Variants in DNAH9 observed in about 807,000 individuals in gnomAD.
DNAH9 encodes dynein axonemal heavy chain 9, also known as DNAH9 variant protein.
Under a neutral mutation model 471.6 loss-of-function variants are expected in DNAH9, and 345 were observed. The ratio of observed to expected loss-of-function variants is 0.73; its 90% CI spans 0.67 to 0.80. The LOEUF (loss-of-function observed/expected upper bound fraction) is 0.80, where lower values mean the gene tolerates loss of function less well. Among genes scored for constraint, DNAH9 ranks in the 30% least tolerant of loss-of-function variants. The pLI is 0.00. For synonymous variants in DNAH9, 2,093 were observed against 2,123.6 expected, an observed-to-expected ratio of 0.99 and a Z score of 0.40; for missense variants, 5,407 against 5,609.2, an observed-to-expected ratio of 0.96 and a Z score of 1.15.
In DNAH9 at chr17:11,892,710, C is replaced by T. The variant is rs977556941; in HGVS notation, c.11283+763C>T. On this transcript the variant is annotated intron_variant, in intron 58 of 68. Coordinates refer to ENST00000262442, the MANE Select transcript of DNAH9 (RefSeq NM_001372.4). This position sits in a 1 kb window ranked among gnomAD's most constrained non-coding sequence, Gnocchi z 4.3. ...GGATTACAGGTGTGCGCCACCAGGC[C>T]CAGCGAATTTTTTTTGTATTTTAAG... is the stretch of plus-strand genomic sequence containing the variant. Among the ~76,000 whole-genome samples, 1 of 151,954 alleles carries T rather than the reference C, an allele frequency of 6.6e-6. No homozygotes were observed. Among genetic ancestry groups the T allele is most frequent in the African/African-American group, 2.4e-5 (1 of 41,374 alleles).
chr17:11,932,040 G>A lies in DNAH9; in HGVS notation c.12132G>A (p.Glu4044=). The change falls in exon 64 of 69, where the codon GAG becomes GAA. Residue 4044 remains glutamate, a synonymous_variant. Transcript: ENST00000262442. This position sits in a 1 kb window ranked among gnomAD's most constrained non-coding sequence, Gnocchi z 4.3. ...ACACTCTGGAGATGTGTTCTCGGGA[G>A]ACGGAGTTTAAGAGCATCCTCTTTG... ...TQDTLEMCSR[E]TEFKSILFAL... is the part of the protein sequence containing the mutation. 6.2e-7 allele frequency: 1 copy of A among 1,614,190 alleles called. No individual in the cohort carries two copies. The highest frequency in any genetic ancestry group is 8.5e-7 in the Non-Finnish European group (1 of 1,180,034).
chr17:11,694,527 A>G, intron 22 of DNAH9, 80 bp downstream of exon 22: 1 of 1,501,934 alleles, frequency 6.7e-7, no homozygotes, highest in East Asian at 2.3e-5. Flanking sequence ...GCTCCCCATC[A>G]TGCCTCTTCT....
rs1251367755 is a variant in DNAH9 at position 11,895,806 on chromosome 17, G to A, written c.11406+1310G>A. Among the ~76,000 whole-genome samples, 7 of 152,262 alleles carry A rather than the reference G, an allele frequency of 4.6e-5. 1 individual carries two copies. In the South Asian group the frequency reaches 1.5e-3, roughly 32 times the overall value. ...ATACAGTATATAACCATGTGGGATT[G>A]GTGTGCTCATTTAGCATGATTCCCT... On this transcript the variant is annotated intron_variant, in intron 59 of 68. Coordinates refer to ENST00000262442, the MANE Select transcript of DNAH9 (RefSeq NM_001372.4).
At chr17:11,716,301 G>A (rs1232124625) in intron 26 of DNAH9, among the ~76,000 whole-genome samples, 3 of 151,846 alleles carry the variant, frequency 2.0e-5, no homozygotes, top group South Asian at 2.1e-4. Context: ...GGCTGGTCTC[G>A]AACTCCTGAC....
At chr17:11,622,896 C>T (rs1332023379) in intron 6 of DNAH9, among the ~76,000 whole-genome samples, 3 of 151,920 alleles carry the variant, frequency 2.0e-5, no homozygotes, top group South Asian at 2.1e-4. Flanking sequence ...TCTTACGTGT[C>T]GTTCTGTCCT....
chr17:11,763,608 A>G lies in DNAH9; in HGVS notation c.7164A>G (p.Gln2388=), dbSNP rs539397342. Residue 2388 remains glutamine, a synonymous_variant, in exon 36 of 69, where the codon CAA becomes CAG. Transcript: ENST00000262442. ...AIWAFGGAMV[Q]DQLVDYRAEF... ...GGGCTTTCGGCGGAGCAATGGTCCA[A>G]GATCAGGTAAGGAGATATGTTGAGC... 1 of 1,614,028 alleles carries G rather than the reference A, an allele frequency of 6.2e-7. No individual in the cohort carries two copies. Among genetic ancestry groups the G allele is most frequent in the Non-Finnish European group, 8.5e-7 (1 of 1,179,938 alleles).
intron 60 of DNAH9, 147 bp downstream of exon 60, chr17:11,903,059 G>A: frequency 3.4e-6 from 3 of 878,274 alleles, no homozygotes; most frequent in South Asian, 4.1e-5. Flanking sequence ...TAACTAAACA[G>A]GCCAGGCGCG....
intron 43 of DNAH9, among the ~76,000 whole-genome samples, chr17:11,799,013 G>C (rs754378481): frequency 6.6e-6 from 1 of 152,058 alleles, no homozygotes; most frequent in Middle Eastern, 3.4e-3. Flanking sequence ...CCCATCATCC[G>C]CTAATGGCCT....
chr17:11,879,963 G>A, intron 53 of DNAH9, 115 bp from the exon 54 acceptor site: 5 of 1,255,790 alleles, frequency 4.0e-6, no homozygotes, highest in Non-Finnish European at 5.5e-6. Flanking sequence ...ATTCCAAATA[G>A]CTGTGCCTCC....
At position 11,880,078 on chromosome 17, in the gene DNAH9, C is replaced by T. The variant is rs200908759; in HGVS notation, c.10479C>T (p.Gly3493=). ...CCCGGACTCATACTTGTTTCCCTAG[C>T]TACCTTCAAATCATAGAGCAGGCCC... ...DLRVTQIGQK[G]YLQIIEQALE... is the part of the protein sequence containing the mutation. Residue 3493 remains glycine (G), a splice_region_variant and synonymous_variant, in exon 54 of 69, where the codon GGC becomes GGT. Coordinates refer to ENST00000262442, the MANE Select transcript of DNAH9 (RefSeq NM_001372.4). The T allele has an allele frequency of 1.5e-4, 235 of 1,613,640 alleles. No homozygotes were observed. Among genetic ancestry groups the T allele is most frequent in the Non-Finnish European group, 1.9e-4 (226 of 1,179,804 alleles).
At chr17:11,746,860 G>A (rs375527823) in intron 31 of DNAH9, among the ~76,000 whole-genome samples, 1 of 152,138 alleles carries the variant, frequency 6.6e-6, no homozygotes, top group Non-Finnish European at 1.5e-5. Flanking sequence ...TACTTCTTAT[G>A]CACCCTTTTT....
intron 46 of DNAH9, 81 bp downstream of exon 46, chr17:11,822,143 G>C (rs777665470): frequency 2.0e-5 from 30 of 1,493,126 alleles, no homozygotes; most frequent in Non-Finnish European, 2.6e-5. Flanking sequence ...GGGCACAACT[G>C]TCCTTATTGA....
chr17:11,945,852 A>T (rs1975098975), intron 67 of DNAH9, among the ~76,000 whole-genome samples: 1 of 151,346 alleles, frequency 6.6e-6, no homozygotes, highest in South Asian at 2.1e-4. Flanking sequence ...AGGTCAGGAG[A>T]TCAAGACCAT....
Position 11,905,650 on chromosome 17 carries a change from T to C in DNAH9, c.11601-11T>C, listed in dbSNP as rs773310424. On this transcript the variant is annotated splice_polypyrimidine_tract_variant and intron_variant, in intron 60 of 68. Transcript: ENST00000262442. ...ATATGTATAAATCTATATGTGCTTT[T>C]TTTCTGGCAGAGATTTTGTTGAAGA... The C allele has an allele frequency of 5.6e-6, 9 of 1,613,262 alleles. No homozygotes were observed. The highest frequency in any genetic ancestry group is 5.9e-6 in the Non-Finnish European group (7 of 1,179,710).
chr17:11,723,949 A>G (rs1348268463), intron 27 of DNAH9, among the ~76,000 whole-genome samples: 11 of 152,214 alleles, frequency 7.2e-5, no homozygotes, highest in Non-Finnish European at 1.5e-4. Context: ...CTGGGATTAC[A>G]GGCGTGAGCC....
At chr17:11,661,814 C>A (rs1177357308) in intron 14 of DNAH9, among the ~76,000 whole-genome samples, 1 of 151,818 alleles carries the variant, frequency 6.6e-6, no homozygotes, top group East Asian at 1.9e-4. Context: ...GCATATTGAG[C>A]CCCACAATGC....
intron 66 of DNAH9, 145 bp from the exon 67 acceptor site, chr17:11,942,156 CAA>C (rs1230801894): frequency 1.7e-6 from 2 of 1,149,290 alleles, no homozygotes; most frequent in African/African-American, 3.1e-5. Context: ...TTGACCTCGA[CAA>C]GCAGGCAAGA....
intron 61 of DNAH9, among the ~76,000 whole-genome samples, chr17:11,921,034 G>A (rs1253834579): frequency 1.3e-5 from 2 of 152,018 alleles, no homozygotes; most frequent in Non-Finnish European, 2.9e-5. Context: ...CCAGCTACTT[G>A]GGAGGCTGAG....
At chr17:11,940,969 A>T (rs1460713821) in intron 66 of DNAH9, among the ~76,000 whole-genome samples, 1 of 152,222 alleles carries the variant, frequency 6.6e-6, no homozygotes, top group Non-Finnish European at 1.5e-5. Flanking sequence ...CAAGGGAGTC[A>T]GCCTAAGAAG....
Sources: allele counts gnomAD v4.1 joint callset (sites outside exome capture counted in the v4.1 genomes callset), GRCh38; gene constraint gnomAD v4.1.1; non-coding constraint Gnocchi (gnomAD v3.1); transcripts MANE v1.5; gene names NCBI Gene and HGNC (gene_info 2026-07-23, HGNC 2026-07-21).